Variants in CTNND2 observed in about 807,000 individuals in gnomAD.
The protein encoded by CTNND2 is catenin delta 2.
Under a neutral mutation model 144.4 loss-of-function variants are expected in CTNND2, and 22 were observed. That is an observed-to-expected ratio of 0.15 (90% CI 0.11 to 0.22). CTNND2 has a LOEUF of 0.22. Among genes scored for constraint, CTNND2 ranks in the 10% least tolerant of loss-of-function variants. The pLI, the probability that CTNND2 is intolerant of heterozygous loss-of-function variation, is 1.00. For synonymous variants in CTNND2, 751 were observed against 695.6 expected (o/e 1.08, Z -1.25); for missense variants, 1,353 against 1,618.8 (o/e 0.84, Z 2.82).
intron 7 of CTNND2, among the ~76,000 whole-genome samples, chr5:11,373,588 C>A (rs1757652166): frequency 6.6e-6 from 1 of 152,272 alleles, no homozygotes; most frequent in African/African-American, 2.4e-5. Flanking sequence ...GCTGTGGCTG[C>A]ATTCCAGACC....
chr5:11,804,645 A>C (rs4357035), intron 1 of CTNND2, among the ~76,000 whole-genome samples: 146,547 of 152,150 alleles, frequency 0.96, 70,819 homozygotes, highest in East Asian at 1. Context: ...TAGAATAGGA[A>C]AACTATAGAG....
In CTNND2 at chr5:11,560,009, A is replaced by G. The variant is rs1040712861; in HGVS notation, c.287+4935T>C. Among the ~76,000 whole-genome samples, 6 of 152,120 alleles carry G rather than the reference A, an allele frequency of 3.9e-5. No homozygotes were observed. In the East Asian group the frequency reaches 1.2e-3, roughly 29 times the overall value. On this transcript the variant is annotated intron_variant, in intron 3 of 21. Coordinates refer to ENST00000304623, the MANE Select transcript of CTNND2 (RefSeq NM_001332.4). ...TTTGTTCAATGTGGCCCACATTGCCAGACTCCTCCACGTCCTTGCAAGGAT... is the reference window on the plus strand; with the variant it reads ...TTTGTTCAATGTGGCCCACATTGCCGGACTCCTCCACGTCCTTGCAAGGAT...
At chr5:11,048,989 A>G (rs900286290) in intron 16 of CTNND2, among the ~76,000 whole-genome samples, 1 of 152,148 alleles carries the variant, frequency 6.6e-6, no homozygotes, top group African/African-American at 2.4e-5. Context: ...GCACCCTCCC[A>G]TCCACACCAG....
chr5:11,798,198 GT>G (rs1313882576), intron 1 of CTNND2, among the ~76,000 whole-genome samples: 1 of 150,808 alleles, frequency 6.6e-6, no homozygotes, highest in Non-Finnish European at 1.5e-5. Flanking sequence ...GGAGGCGGAG[GT>G]TGCAGTGAGC....
intron 1 of CTNND2, among the ~76,000 whole-genome samples, chr5:11,744,605 G>A (rs558802892): frequency 6.6e-6 from 1 of 152,126 alleles, no homozygotes; most frequent in Non-Finnish European, 1.5e-5. Context: ...CGTGAGCCTC[G>A]AAACACTGCC....
intron 11 of CTNND2, among the ~76,000 whole-genome samples, chr5:11,178,612 C>T (rs913530412): frequency 6.6e-6 from 1 of 152,104 alleles, no homozygotes; most frequent in African/African-American, 2.4e-5. Context: ...CAAAATGAGG[C>T]AAATGCTGGT....
intron 5 of CTNND2, among the ~76,000 whole-genome samples, chr5:11,405,921 G>A (rs1263851188): frequency 6.6e-6 from 1 of 152,076 alleles, no homozygotes; most frequent in African/African-American, 2.4e-5. Flanking sequence ...GGCCAAGGTG[G>A]GCGGATCACT....
intron 9 of CTNND2, among the ~76,000 whole-genome samples, chr5:11,327,759 T>C (rs1752678865): frequency 6.6e-6 from 1 of 152,158 alleles, no homozygotes; most frequent in South Asian, 2.1e-4. Context: ...ATTCAGACAT[T>C]AATGCGTGCA....
At chr5:11,874,233 C>T (rs1735377384) in intron 1 of CTNND2, among the ~76,000 whole-genome samples, 2 of 152,144 alleles carry the variant, frequency 1.3e-5, no homozygotes, top group Admixed American at 6.5e-5. Context: ...AACCTCTGCA[C>T]TGCAAAAAAC....
At chr5:11,298,017 T>C (rs1333647861) in intron 9 of CTNND2, among the ~76,000 whole-genome samples, 1 of 152,144 alleles carries the variant, frequency 6.6e-6, no homozygotes, top group Non-Finnish European at 1.5e-5. Context: ...TTTCTCTGCT[T>C]TCTCTTAATG....
chr5:11,550,921 C>T (rs1262763189), intron 3 of CTNND2, among the ~76,000 whole-genome samples: 1 of 152,172 alleles, frequency 6.6e-6, no homozygotes, highest in African/African-American at 2.4e-5. Flanking sequence ...CCAATCCTGC[C>T]CTGTGTCCTT....
intron 16 of CTNND2, among the ~76,000 whole-genome samples, chr5:11,054,590 G>A (rs934174985): frequency 6.6e-6 from 1 of 151,970 alleles, no homozygotes; most frequent in African/African-American, 2.4e-5. Flanking sequence ...CCCCACGCTT[G>A]CCTCCCATCG....
At chr5:11,179,304 C>CAAAAAACA (rs1186128882) in intron 11 of CTNND2, among the ~76,000 whole-genome samples, 2 of 150,844 alleles carry the variant, frequency 1.3e-5, no homozygotes, top group East Asian at 1.9e-4. Context: ...AAAAAAAGCA[C>CAAAAAACA]AAAAAACAAA....
intron 2 of CTNND2, among the ~76,000 whole-genome samples, chr5:11,697,153 C>A (rs1581736680): frequency 6.6e-6 from 1 of 152,182 alleles, no homozygotes. Flanking sequence ...ATGTAAATGT[C>A]TGCAGGCATG....
intron 1 of CTNND2, among the ~76,000 whole-genome samples, chr5:11,770,522 C>G: frequency 1.3e-5 from 2 of 152,098 alleles, no homozygotes; most frequent in Middle Eastern, 6.8e-3. Context: ...TATTTTTAAT[C>G]TGAATGAATA....
At chr5:11,477,995 A>T (rs939646753) in intron 3 of CTNND2, among the ~76,000 whole-genome samples, 1 of 152,224 alleles carries the variant, frequency 6.6e-6, no homozygotes, top group South Asian at 2.1e-4. Flanking sequence ...TTTGGGTGGT[A>T]GAGTTTAACC....
chr5:11,641,801 C>T (rs1014232047), intron 2 of CTNND2, among the ~76,000 whole-genome samples: 11 of 143,320 alleles, frequency 7.7e-5, no homozygotes, highest in African/African-American at 2.8e-4. Flanking sequence ...CGTGTACATA[C>T]ACGTGTATGT....
chr5:11,108,548 A>G (rs763069958), intron 14 of CTNND2, among the ~76,000 whole-genome samples: 14 of 152,220 alleles, frequency 9.2e-5, no homozygotes, highest in Non-Finnish European at 2.1e-4. Context: ...CTACCAGATA[A>G]AAATAGTGGA....
At chr5:11,398,593 A>G (rs1402570110) in intron 5 of CTNND2, among the ~76,000 whole-genome samples, 4 of 152,212 alleles carry the variant, frequency 2.6e-5, no homozygotes, top group Admixed American at 2.6e-4. Context: ...CTGGAAAAAA[A>G]AAAGGTAAGC....
Sources: gnomAD v4.1 joint callset for allele counts (sites outside exome capture counted in the v4.1 genomes callset) on GRCh38, gnomAD v4.1.1 for gene constraint, MANE v1.5 for transcripts, NCBI Gene and HGNC (gene_info 2026-07-23, HGNC 2026-07-21) for gene names.